NEBL: variants seen among roughly 807,000 people sequenced by gnomAD.
NEBL encodes LIM and SH3 protein 2.
A neutral mutation model predicts 140.2 loss-of-function variants in NEBL; 122 were observed. The observed-to-expected ratio is 0.87, with a 90% CI of 0.75 to 1.01. The LOEUF is 1.01. Ranked by LOEUF, NEBL falls within the 50% of genes least tolerant of loss-of-function variation. The pLI, the probability that NEBL is intolerant of heterozygous loss-of-function variation, is 0.00. For synonymous variants in NEBL, 436 were observed against 398.9 expected (o/e 1.09, Z -1.11); for missense variants, 1,365 against 1,231.3 (o/e 1.11, Z -1.62).
At chr10:21,177,057 T>G (rs1841312057), upstream of NEBL, among the ~76,000 whole-genome samples, 1 of 148,728 alleles carries the variant, frequency 6.7e-6, no homozygotes, top group Non-Finnish European at 1.5e-5. Flanking sequence ...TTGTTCACAA[T>G]TTTTTTTTCC....
At chr10:21,044,868 T>C (rs1233942526) in intron 2 of NEBL, among the ~76,000 whole-genome samples, 1 of 152,132 alleles carries the variant, frequency 6.6e-6, no homozygotes, top group Non-Finnish European at 1.5e-5. Flanking sequence ...GGTATGTTTG[T>C]CTAGGGGAGG....
chr10:20,966,694 C>T (rs918519538), intron 3 of NEBL, among the ~76,000 whole-genome samples: 2 of 152,140 alleles, frequency 1.3e-5, no homozygotes, highest in African/African-American at 4.8e-5. Context: ...AAAAGGAAGA[C>T]TTCTGAAAAA....
intron 19 of NEBL, among the ~76,000 whole-genome samples, chr10:20,820,118 CA>C (rs901518736): frequency 1.1e-4 from 17 of 152,074 alleles, no homozygotes; most frequent in African/African-American, 4.1e-4. Context: ...AGGAGAGTAA[CA>C]AAATCCTGTA....
At chr10:21,180,818 T>C (rs566562355) in intron 3 of NEBL, among the ~76,000 whole-genome samples, 21 of 152,248 alleles carry the variant, frequency 1.4e-4, no homozygotes, top group African/African-American at 5.1e-4. Flanking sequence ...GGTTTTGTAA[T>C]GATAAGACTC....
intron 1 of NEBL, among the ~76,000 whole-genome samples, chr10:21,262,206 A>G (rs11012619): frequency 0.025 from 3,878 of 152,320 alleles, 55 homozygotes; most frequent in Middle Eastern, 0.065. Context: ...AACGGCTCCA[A>G]TGAACCCCAA....
chr10:21,203,256 G>A lies in NEBL; in HGVS notation n.349-30779C>T, dbSNP rs1006751288. On this transcript the variant is annotated intron_variant and non_coding_transcript_variant, in intron 3 of 8. Coordinates refer to the NEBL transcript ENST00000675702. ...ACCAAATCATCTCTCTCTCTCCCAA[G>A]ACGTTCTCTGTACAGTCATTTCCCA... Among the ~76,000 whole-genome samples the A allele has an allele frequency of 2.6e-5, 4 of 152,080 alleles. No individual in the cohort carries two copies. The East Asian group carries it at 7.7e-4, about 29-fold the overall frequency.
At chr10:21,235,164 T>C (rs1842331274) in intron 3 of NEBL, among the ~76,000 whole-genome samples, 1 of 151,974 alleles carries the variant, frequency 6.6e-6, no homozygotes, top group African/African-American at 2.4e-5. Flanking sequence ...GGCATGGTGG[T>C]GTGCGCCTGT....
upstream of NEBL, among the ~76,000 whole-genome samples, chr10:20,900,220 AC>A (rs1847801220): frequency 6.6e-6 from 1 of 152,196 alleles, no homozygotes; most frequent in Non-Finnish European, 1.5e-5. Context: ...TTAGTACTCT[AC>A]GCATGCCTTG....
At chr10:21,284,776 A>G (rs1463875492) in intron 1 of NEBL, among the ~76,000 whole-genome samples, 1 of 152,164 alleles carries the variant, frequency 6.6e-6, no homozygotes, top group Non-Finnish European at 1.5e-5. Flanking sequence ...CTGGACTAAT[A>G]AAGACATGAA....
chr10:20,992,302 C>T (rs540593474), intron 3 of NEBL, among the ~76,000 whole-genome samples: 15 of 152,154 alleles, frequency 9.9e-5, no homozygotes, highest in Non-Finnish European at 2.1e-4. Flanking sequence ...CATTTTAAGT[C>T]TTGCCTCTCA....
Position 20,943,291 on chromosome 10 carries a change from G to C in NEBL, c.357+18381C>G, listed in dbSNP as rs138046620. Reference sequence around the variant, plus strand: ...TTGATGAGTTCACGTCCTTTGTAGGGACATGGATGAAGCTGGAAACCCATC... The same window carrying C: ...TTGATGAGTTCACGTCCTTTGTAGGCACATGGATGAAGCTGGAAACCCATC... On this transcript the variant is annotated intron_variant, in intron 4 of 6. Transcript: ENST00000417816. Among the ~76,000 whole-genome samples, 555 of 152,284 alleles carry C rather than the reference G, an allele frequency of 3.6e-3. 3 individuals are homozygous for C. Among genetic ancestry groups the C allele is most frequent in the African/African-American group, 0.012 (508 of 41,544 alleles).
At chr10:20,831,619 A>G in intron 14 of NEBL, 36 bp from the exon 15 acceptor site, 1 of 1,383,086 alleles carries the variant, frequency 7.2e-7, no homozygotes, top group Non-Finnish European at 1.0e-6. Flanking sequence ...GTGCTCTCCA[A>G]TCATTTGAGA....
At chr10:21,050,626 C>T (rs926718038) in intron 2 of NEBL, among the ~76,000 whole-genome samples, 2 of 152,050 alleles carry the variant, frequency 1.3e-5, no homozygotes, top group African/African-American at 4.8e-5. Context: ...GGGCGTTTGG[C>T]TTAATTTGAC....
At chr10:21,017,366 T>G (rs1272469301) in intron 3 of NEBL, among the ~76,000 whole-genome samples, 1 of 152,188 alleles carries the variant, frequency 6.6e-6, no homozygotes. Flanking sequence ...GTTGTCTGCT[T>G]GATGGAGCCC....
At chr10:20,903,836 A>T (rs1847976390) in intron 4 of NEBL, among the ~76,000 whole-genome samples, 1 of 148,750 alleles carries the variant, frequency 6.7e-6, no homozygotes, top group Non-Finnish European at 1.5e-5. Flanking sequence ...GCAAAGGCAC[A>T]TAGAGTACTG....
chr10:21,272,203 T>G (rs6482174), intron 1 of NEBL, among the ~76,000 whole-genome samples: 2 of 148,024 alleles, frequency 1.4e-5, no homozygotes, highest in African/African-American at 2.5e-5. Flanking sequence ...CTGACCTCGT[T>G]ATCCACCCAC....
intron 2 of NEBL, among the ~76,000 whole-genome samples, chr10:21,159,326 GT>G (rs1351752808): frequency 6.6e-6 from 1 of 151,970 alleles, no homozygotes; most frequent in Non-Finnish European, 1.5e-5. Flanking sequence ...TTATCTTAGA[GT>G]TTCTGAGAAC....
At chr10:21,203,678 G>A (rs182560145) in intron 3 of NEBL, among the ~76,000 whole-genome samples, 1 of 152,254 alleles carries the variant, frequency 6.6e-6, no homozygotes, top group Admixed American at 6.5e-5. Context: ...TCTGTAATGG[G>A]AAAATGGAGT....
intron 3 of NEBL, among the ~76,000 whole-genome samples, chr10:21,007,075 A>G (rs141209807): frequency 0.014 from 2,127 of 152,252 alleles, 59 homozygotes; most frequent in African/African-American, 0.049. Context: ...TAAACATTTC[A>G]GTGGAGAATG....
Sources: allele counts gnomAD v4.1 joint callset (sites outside exome capture counted in the v4.1 genomes callset), GRCh38; gene constraint gnomAD v4.1.1; transcripts MANE v1.5; gene names NCBI Gene and HGNC (gene_info 2026-07-23, HGNC 2026-07-21).